The following OTULIN variants were observed in gnomAD, a reference collection of about 807,000 sequenced individuals.
OTULIN encodes ubiquitin thioesterase otulin.
A neutral mutation model predicts 39.6 loss-of-function variants in OTULIN; 15 were observed. The observed-to-expected ratio is 0.38, with a 90% CI of 0.25 to 0.58. The LOEUF (loss-of-function observed/expected upper bound fraction) is 0.58, where lower values mean the gene tolerates loss of function less well. OTULIN is among the 20% of genes least tolerant of loss of function. The probability of loss-of-function intolerance (pLI) is 0.66; values close to 1 mark genes in which losing one functional copy is unlikely to be tolerated. For missense variants in OTULIN, 319 were observed against 445.9 expected (o/e 0.72, Z 2.56); for synonymous variants, 156 against 170.3 (o/e 0.92, Z 0.65).
chr5:14,715,031 A>G, the OTULIN span, among the ~76,000 whole-genome samples: 6,596 of 152,272 alleles, frequency 0.043, 188 homozygotes, highest in Middle Eastern at 0.12. Context: ...TCTTCCAGCC[A>G]TTTCTCCATT....
At chr5:14,687,854 C>A in intron 5 of OTULIN, 1 of 443,206 alleles carries the variant, frequency 2.3e-6, no homozygotes, top group Admixed American at 4.1e-5. Context: ...AGAGCAGATG[C>A]CATGTACTAG....
At chr5:14,713,710 C>T in the OTULIN span, 3 of 1,612,018 alleles carry the variant, frequency 1.9e-6, no homozygotes, top group Non-Finnish European at 2.5e-6. The surrounding 1 kb of genome is among the most constrained non-coding windows in gnomAD (Gnocchi z 4.4). Flanking sequence ...GCCCGCCATC[C>T]ACTCCCCATC....
chr5:14,709,429 AG>A, the OTULIN span: 17 of 152,262 alleles, frequency 1.1e-4, no homozygotes, highest in African/African-American at 4.1e-4. Context: ...AAGCACGCCA[AG>A]GACATGTCCC....
intron 2 of OTULIN, among the ~76,000 whole-genome samples, chr5:14,677,837 G>T (rs1388200419): frequency 6.6e-6 from 1 of 152,124 alleles, no homozygotes; most frequent in East Asian, 1.9e-4. Flanking sequence ...TTATTTCTTT[G>T]TATAATGGTT....
intron 1 of OTULIN, among the ~76,000 whole-genome samples, chr5:14,672,453 G>A (rs755293801): frequency 2.6e-5 from 4 of 152,102 alleles, no homozygotes; most frequent in South Asian, 4.1e-4. Flanking sequence ...AGGAGCTGGG[G>A]TGATGAGGGA....
intron 5 of OTULIN, 50 bp downstream of exon 5, chr5:14,687,696 G>A: frequency 6.6e-7 from 1 of 1,524,340 alleles, no homozygotes; most frequent in Non-Finnish European, 8.8e-7. Flanking sequence ...TCTCGTTCTT[G>A]CTTGCCCCAG....
At chr5:14,678,804 G>A in intron 3 of OTULIN, 29 bp downstream of exon 3, 4 of 1,459,010 alleles carry the variant, frequency 2.7e-6, no homozygotes, top group Non-Finnish European at 3.7e-6. Context: ...CATATTTCAG[G>A]TCTTTCAAAT....
rs1014578665 is a variant in OTULIN, at chr5:14,699,094, C to A, written c.*6046C>A. 3 of 152,240 alleles carry A rather than the reference C, an allele frequency of 2.0e-5. No individual in the cohort carries two copies. Among genetic ancestry groups the A allele is most frequent in the African/African-American group, 7.2e-5 (3 of 41,448 alleles). The allele number at this position is 152,240 out of a possible 1,614,324, so 9.4% of individuals were successfully genotyped here. A position where few individuals can be genotyped will look rare whatever the true frequency, so the allele number is the denominator to read the frequency against. ...GCTGCAGCCCCAATTCTGACCCAGC[C>A]CTGCTGTGTGTTTGCCGCAAAGAGG... On this transcript the variant is annotated 3_prime_UTR_variant, in exon 7 of 7. Transcript: ENST00000284274.
chr5:14,664,738 A>G lies in OTULIN; in HGVS notation c.-88A>G, dbSNP rs988466432. The stretch of plus-strand genomic sequence containing the variant: ...CCCTCGGAAACCGCCCCGGCGGCTG[A>G]GAGGCTGCGGCCACTGCCTGGCACC... On this transcript the variant is annotated 5_prime_UTR_variant, in exon 1 of 7. Transcript: ENST00000284274. 13 of 1,079,220 alleles carry G rather than the reference A, an allele frequency of 1.2e-5. No individual in the cohort carries two copies. Among genetic ancestry groups the G allele is most frequent in the Non-Finnish European group, 1.5e-5 (13 of 888,360 alleles). The allele number at this position is 1,079,220 out of a possible 1,614,324, so 66.9% of individuals were successfully genotyped here.
intron 1 of OTULIN, among the ~76,000 whole-genome samples, chr5:14,668,073 C>T (rs1023516188): frequency 8.5e-5 from 13 of 152,260 alleles, no homozygotes; most frequent in Non-Finnish European, 1.5e-4. Context: ...GTCGGTGAAC[C>T]CCTCTGAAAT....
intron 4 of OTULIN, among the ~76,000 whole-genome samples, chr5:14,682,881 A>C (rs1332846090): frequency 6.6e-6 from 1 of 152,180 alleles, no homozygotes; most frequent in African/African-American, 2.4e-5. Context: ...TCCTCAGCAG[A>C]TGGAAATGTG....
the OTULIN span, among the ~76,000 whole-genome samples, chr5:14,714,907 T>C: frequency 6.6e-5 from 10 of 152,326 alleles, no homozygotes; most frequent in East Asian, 1.9e-3. Flanking sequence ...CTGTAGAAAT[T>C]AACTGCATGT....
the OTULIN span, chr5:14,712,881 C>T: frequency 4.5e-5 from 72 of 1,609,334 alleles, no homozygotes; most frequent in South Asian, 4.1e-4. Flanking sequence ...CACCTGCTTC[C>T]GGTAGACATA....
At chr5:14,711,351 G>A in the OTULIN span, 1 of 1,547,522 alleles carries the variant, frequency 6.5e-7, no homozygotes, top group South Asian at 1.1e-5. Flanking sequence ...CTGTGGATGG[G>A]GACACTGCAC....
In OTULIN at chr5:14,664,768, C is replaced by T. The variant is rs1420800170; in HGVS notation, c.-58C>T. ...CTGCGGCCACTGCCTGGCACCCCGACGGGAGGGGCTCCGGATCGTTCGGAG... is the reference window on the plus strand; with the variant it reads ...CTGCGGCCACTGCCTGGCACCCCGATGGGAGGGGCTCCGGATCGTTCGGAG... On this transcript the variant is annotated 5_prime_UTR_variant, in exon 1 of 7. The change creates a new upstream start codon in the 5' untranslated region. Transcript: ENST00000284274. The T allele has an allele frequency of 1.8e-6, 2 of 1,119,376 alleles. No homozygotes were observed. Among genetic ancestry groups the T allele is most frequent in the East Asian group, 4.7e-5 (1 of 21,418 alleles). 69.3% of individuals were successfully genotyped at this position (1,119,376 alleles called of 1,614,324 possible). A position where few individuals can be genotyped will look rare whatever the true frequency, so the allele number is the denominator to read the frequency against.
Position 14,694,882 on chromosome 5 carries a change from C to T in OTULIN, c.*1834C>T, listed in dbSNP as rs1579980727. The T allele has an allele frequency of 6.5e-6, 1 of 152,744 alleles. No homozygotes were observed. The highest frequency in any genetic ancestry group is 1.9e-4 in the East Asian group (1 of 5,182). 9.5% of individuals were successfully genotyped at this position (152,744 alleles called of 1,614,324 possible). ...TTTCATTGCAGTATATGGGATTGTA[C>T]AGCAGGAAATGCTTATCATTAATTT... On this transcript the variant is annotated 3_prime_UTR_variant, in exon 7 of 7. Transcript: ENST00000284274.
At chr5:14,683,262 A>C (rs1173442141) in intron 4 of OTULIN, among the ~76,000 whole-genome samples, 1 of 151,988 alleles carries the variant, frequency 6.6e-6, no homozygotes, top group Non-Finnish European at 1.5e-5. Flanking sequence ...GAGTCTATTA[A>C]AAAAAAACCA....
chr5:14,714,824 G>A, the OTULIN span, among the ~76,000 whole-genome samples: 1 of 152,344 alleles, frequency 6.6e-6, no homozygotes, highest in East Asian at 1.9e-4. Context: ...CAAATGGACA[G>A]TAAAGGTGAA....
chr5:14,715,822 A>G, the OTULIN span, among the ~76,000 whole-genome samples: 5 of 152,336 alleles, frequency 3.3e-5, no homozygotes, highest in Non-Finnish European at 7.3e-5. Context: ...TGTATAGTAC[A>G]CCTCACACCA....
Sources: allele counts gnomAD v4.1 joint callset (sites outside exome capture counted in the v4.1 genomes callset), GRCh38; gene constraint gnomAD v4.1.1; non-coding constraint Gnocchi (gnomAD v3.1); transcripts MANE v1.5; gene names NCBI Gene and HGNC (gene_info 2026-07-23, HGNC 2026-07-21).